The following TRDN variants were observed in gnomAD, a reference collection of about 807,000 sequenced individuals.
TRDN encodes the protein triadin, also known as triadin in skeletal muscle.
In TRDN, 161 loss-of-function variants were observed where a neutral mutation model predicts 149.7. The observed-to-expected ratio is 1.08, with a 90% CI of 0.95 to 1.23. The LOEUF (loss-of-function observed/expected upper bound fraction) is 1.23. Ranked by LOEUF, TRDN falls within the 50% of genes most tolerant of loss-of-function variation. TRDN has a pLI of 0.00. For synonymous variants in TRDN, 294 were observed against 250.5 expected (o/e 1.17, Z -1.64); for missense variants, 896 against 823.5 (o/e 1.09, Z -1.08).
At chr6:123,466,489 G>C (rs1776823646) in intron 9 of TRDN, among the ~76,000 whole-genome samples, 1 of 152,086 alleles carries the variant, frequency 6.6e-6, no homozygotes, top group Non-Finnish European at 1.5e-5. Context: ...AGGTTCCCAA[G>C]TTGCAATTCT....
At chr6:123,335,449 A>T (rs1013284148) in intron 22 of TRDN, among the ~76,000 whole-genome samples, 13 of 151,978 alleles carry the variant, frequency 8.6e-5, no homozygotes, top group African/African-American at 2.9e-4. Context: ...AATTACGTAT[A>T]TAAGGTTTGC....
chr6:123,448,247 C>A (rs888725904), intron 10 of TRDN, among the ~76,000 whole-genome samples: 2 of 152,086 alleles, frequency 1.3e-5, no homozygotes, highest in Non-Finnish European at 2.9e-5. Context: ...GCCAGAACTC[C>A]GGGGAGGGTG....
chr6:123,251,732 G>T (rs1278526613), intron 38 of TRDN, among the ~76,000 whole-genome samples: 2 of 151,628 alleles, frequency 1.3e-5, no homozygotes, highest in Non-Finnish European at 2.9e-5. Context: ...TTATTTCCTT[G>T]AATCTTAGGA....
intron 24 of TRDN, among the ~76,000 whole-genome samples, chr6:123,309,201 T>C (rs1778722862): frequency 6.6e-6 from 1 of 151,964 alleles, no homozygotes; most frequent in African/African-American, 2.4e-5. Flanking sequence ...ACTTTAGTCT[T>C]CTAAGCCCCC....
chr6:123,520,616 A>C (rs767478658), intron 5 of TRDN, among the ~76,000 whole-genome samples: 1 of 152,212 alleles, frequency 6.6e-6, no homozygotes, highest in Non-Finnish European at 1.5e-5. Flanking sequence ...AAATTACCCA[A>C]AGTTGTAAAG....
chr6:123,385,179 G>A (rs1781859763), intron 14 of TRDN, among the ~76,000 whole-genome samples: 1 of 152,150 alleles, frequency 6.6e-6, no homozygotes, highest in South Asian at 2.1e-4. Context: ...TGTAATCCCA[G>A]CACTTTGGTA....
At chr6:123,616,335 A>G (rs181345802) in intron 1 of TRDN, among the ~76,000 whole-genome samples, 15 of 152,130 alleles carry the variant, frequency 9.9e-5, no homozygotes, top group Admixed American at 9.8e-4. Flanking sequence ...CATCTCAAAA[A>G]CGAAAATTAT....
chr6:123,367,344 C>T (rs1781145081), intron 19 of TRDN, among the ~76,000 whole-genome samples: 1 of 151,990 alleles, frequency 6.6e-6, no homozygotes, highest in Non-Finnish European at 1.5e-5. Flanking sequence ...GTTTGTATCA[C>T]CCTTCACCCA....
chr6:123,381,342 C>A, intron 16 of TRDN, 28 bp downstream of exon 16: 4 of 1,542,514 alleles, frequency 2.6e-6, no homozygotes, highest in Admixed American at 2.0e-5. Context: ...AAAAAAAGTA[C>A]ACAAATACAC....
At chr6:123,605,245 CAAA>C (rs1004070791) in intron 1 of TRDN, among the ~76,000 whole-genome samples, 2 of 139,488 alleles carry the variant, frequency 1.4e-5, no homozygotes, top group Non-Finnish European at 3.1e-5. Flanking sequence ...TTATTTCCAT[CAAA>C]TAATTATTTA....
At chr6:123,350,773 C>T in intron 21 of TRDN, 1 of 964,504 alleles carries the variant, frequency 1.0e-6, no homozygotes, top group Non-Finnish European at 1.2e-6. Flanking sequence ...AAATGATTTA[C>T]CAAGTCAATA....
chr6:123,219,505 T>C (rs1775069026), intron 40 of TRDN, among the ~76,000 whole-genome samples: 1 of 151,696 alleles, frequency 6.6e-6, no homozygotes, highest in African/African-American at 2.4e-5. Context: ...GAAAGAAAAA[T>C]CATAGTTAAA....
At chr6:123,498,863 C>A (rs1451054021) in intron 8 of TRDN, among the ~76,000 whole-genome samples, 2 of 152,108 alleles carry the variant, frequency 1.3e-5, no homozygotes, top group African/African-American at 4.8e-5. Flanking sequence ...CCTTAAGTGA[C>A]TGTACTCTTT....
At chr6:123,344,401 C>A (rs933709527) in intron 21 of TRDN, among the ~76,000 whole-genome samples, 1 of 151,932 alleles carries the variant, frequency 6.6e-6, no homozygotes, top group African/African-American at 2.4e-5. Flanking sequence ...AATTTCATTA[C>A]CCTAAAAATT....
chr6:123,231,810 G>A (rs139280207), intron 38 of TRDN, among the ~76,000 whole-genome samples: 2 of 152,076 alleles, frequency 1.3e-5, no homozygotes, highest in African/African-American at 4.8e-5. Context: ...AACAAAATTA[G>A]GGTCCGGGAC....
intron 23 of TRDN, among the ~76,000 whole-genome samples, chr6:123,322,860 T>C (rs2317690): frequency 0.93 from 140,965 of 151,718 alleles, 65,538 homozygotes; most frequent in East Asian, 0.99. Context: ...AGGATGGTGT[T>C]GATCTCCTGA....
At chr6:123,313,986 A>C (rs1339135499) in intron 24 of TRDN, among the ~76,000 whole-genome samples, 1 of 152,104 alleles carries the variant, frequency 6.6e-6, no homozygotes, top group East Asian at 1.9e-4. Context: ...ACAAAAGCAA[A>C]AATTGACAAA....
chr6:123,500,016 G>T (rs990977041), intron 8 of TRDN, among the ~76,000 whole-genome samples: 5 of 151,538 alleles, frequency 3.3e-5, no homozygotes, highest in Non-Finnish European at 5.9e-5. Flanking sequence ...GATACTGTGG[G>T]ACAACTGTAC....
intron 3 of TRDN, among the ~76,000 whole-genome samples, chr6:123,548,118 A>G (rs549763933): frequency 2.0e-5 from 3 of 151,842 alleles, no homozygotes; most frequent in Admixed American, 6.6e-5. Context: ...AACTTGAAAA[A>G]TAACTATTTT....
Sources: gnomAD v4.1 joint callset for allele counts (sites outside exome capture counted in the v4.1 genomes callset) on GRCh38, gnomAD v4.1.1 for gene constraint, MANE v1.5 for transcripts, NCBI Gene and HGNC (gene_info 2026-07-23, HGNC 2026-07-21) for gene names.